Variants in TLK2 observed in about 807,000 individuals in gnomAD.
TLK2 encodes serine/threonine-protein kinase tousled-like 2.
Under a neutral mutation model 117.3 loss-of-function variants are expected in TLK2, and 6 were observed. The ratio of observed to expected loss-of-function variants is 0.05; its 90% CI spans 0.03 to 0.10. The LOEUF (loss-of-function observed/expected upper bound fraction) is 0.10, where lower values mean the gene tolerates loss of function less well. Ranked by LOEUF, TLK2 falls within the 10% of genes least tolerant of loss-of-function variation. The pLI is 1.00. For synonymous variants in TLK2, 257 were observed against 316.7 expected (o/e 0.81, Z 2.00); for missense variants, 299 against 901.2 (o/e 0.33, Z 8.56).
rs2082792678 is a variant in TLK2 at position 62,600,440 on chromosome 17, T to C, written c.1551-211T>C. 1.9e-5 allele frequency: 9 copies of C among 467,162 alleles called. No individual in the cohort carries two copies. In the South Asian group the frequency reaches 3.0e-4, roughly 15 times the overall value. The allele number at this position is 467,162 out of a possible 1,614,324, so 28.9% of individuals were successfully genotyped here. On this transcript the variant is annotated intron_variant, in intron 17 of 21. Coordinates refer to ENST00000346027, the MANE Select transcript of TLK2 (RefSeq NM_006852.6). ...AACTTGAGCACAACAGATTCCAACA[T>C]TGAGGGTGTGGAAACTCTTCAAGAG...
upstream of TLK2, among the ~76,000 whole-genome samples, chr17:62,476,959 G>A (rs550039366): frequency 2.6e-5 from 4 of 151,712 alleles, no homozygotes; most frequent in African/African-American, 7.3e-5. Flanking sequence ...GCCTGGTAGC[G>A]CGTGCCTGTA....
At chr17:62,573,729 T>TATTTCA (rs1161994959) in intron 12 of TLK2, among the ~76,000 whole-genome samples, 4 of 152,206 alleles carry the variant, frequency 2.6e-5, no homozygotes, top group Non-Finnish European at 5.9e-5. Context: ...ACCTGGCTGT[T>TATTTCA]ATTTCAGACT....
rs187132347 is a variant in TLK2 at position 62,604,085 on chromosome 17, G to T, written c.1859+1905G>T. Reference sequence around the variant, plus strand: ...AATGGTGTGATCTCAACTCACTGCAGCCTCCGCCTCCCGAGTTCAAGTGAT... The same window carrying T: ...AATGGTGTGATCTCAACTCACTGCATCCTCCGCCTCCCGAGTTCAAGTGAT... On this transcript the variant is annotated intron_variant, in intron 19 of 21. Coordinates refer to ENST00000346027, the MANE Select transcript of TLK2 (RefSeq NM_006852.6). Among the ~76,000 whole-genome samples, 870 of 151,680 alleles carry T rather than the reference G, an allele frequency of 5.7e-3. 8 individuals are homozygous for T. Among genetic ancestry groups the T allele is most frequent in the African/African-American group, 0.02 (829 of 41,368 alleles).
intron 11 of TLK2, 114 bp downstream of exon 11, chr17:62,565,251 G>T: frequency 1.9e-5 from 25 of 1,286,058 alleles, no homozygotes; most frequent in East Asian, 8.2e-5. Context: ...TTTTCAGTTA[G>T]TTTTTTAGTC....
At chr17:62,487,538 AAGTC>A (rs1359382593) in intron 2 of TLK2, among the ~76,000 whole-genome samples, 1 of 151,088 alleles carries the variant, frequency 6.6e-6, no homozygotes, top group South Asian at 2.1e-4. Context: ...AAAAAAAAGT[AAGTC>A]AGCAAGGAGA....
In TLK2 at chr17:62,551,017, C is replaced by G. The variant is rs2078418338; in HGVS notation, c.532-1285C>G. ...TATTTTTAGTAAGATAGGGTTTTGC[C>G]ATGTTGGCCAGGCTGGTCTCGAGCT... is the stretch of plus-strand genomic sequence containing the variant. On this transcript the variant is annotated intron_variant, in intron 7 of 21. Coordinates refer to ENST00000346027, the MANE Select transcript of TLK2 (RefSeq NM_006852.6). 3 of 152,158 alleles carry G rather than the reference C, an allele frequency of 2.0e-5. No individual in the cohort carries two copies. The South Asian group carries it at 6.2e-4, about 32-fold the overall frequency. 9.4% of individuals were successfully genotyped at this position (152,158 alleles called of 1,614,324 possible). A position where few individuals can be genotyped will look rare whatever the true frequency, so the allele number is the denominator to read the frequency against.
At chr17:62,562,329 C>A (rs1228637697) in intron 10 of TLK2, among the ~76,000 whole-genome samples, 1 of 152,110 alleles carries the variant, frequency 6.6e-6, no homozygotes, top group African/African-American at 2.4e-5. Context: ...CCATTTCACT[C>A]CAGCCTAGGT....
chr17:62,596,540 G>A (rs2082493359), intron 16 of TLK2, 45 bp from the exon 17 acceptor site: 1 of 1,420,726 alleles, frequency 7.0e-7, no homozygotes, highest in African/African-American at 1.4e-5. Context: ...AGTTCTAAAA[G>A]GCAGGCCAAT....
At chr17:62,580,558 T>G (rs1424497793) in intron 15 of TLK2, among the ~76,000 whole-genome samples, 1 of 152,224 alleles carries the variant, frequency 6.6e-6, no homozygotes, top group Non-Finnish European at 1.5e-5. Context: ...CAAACCTGTT[T>G]CCAATAAGAA....
At position 62,607,012 on chromosome 17, in the gene TLK2, C is replaced by CAT. The variant is rs10695214; in HGVS notation, c.1971+771_1971+772insAT. 5.8e-3 allele frequency among the ~76,000 whole-genome samples: 715 copies of CAT among 123,556 alleles called. 6 individuals carry two copies. Among genetic ancestry groups the CAT allele is most frequent in the African/African-American group, 0.019 (650 of 33,758 alleles). 81.1% of individuals were successfully genotyped at this position (123,556 alleles called of 152,430 possible). ...CCTTCCTCTTTAGCTTCTCCTTGGTCTTTTTTTTTTTTTTTTTTCTATCTC... is the reference window on the plus strand; with the variant it reads ...CCTTCCTCTTTAGCTTCTCCTTGGTCATTTTTTTTTTTTTTTTTTTCTATCTC... On this transcript the variant is annotated intron_variant, in intron 20 of 21. Transcript: ENST00000346027.
intron 16 of TLK2, among the ~76,000 whole-genome samples, chr17:62,592,873 C>T (rs2082180901): frequency 6.6e-6 from 1 of 152,218 alleles, no homozygotes; most frequent in African/African-American, 2.4e-5. Flanking sequence ...GAGACAGTGA[C>T]AGATCATCAG....
At chr17:62,502,656 A>G (rs2074304854) in intron 2 of TLK2, among the ~76,000 whole-genome samples, 1 of 152,226 alleles carries the variant, frequency 6.6e-6, no homozygotes, top group Non-Finnish European at 1.5e-5. Flanking sequence ...TAAAAAAGCT[A>G]CTAGAATTTA....
chr17:62,557,678 C>G lies in TLK2; in HGVS notation c.721-2338C>G, dbSNP rs189110054. On this transcript the variant is annotated intron_variant, in intron 9 of 21. Coordinates refer to ENST00000346027, the MANE Select transcript of TLK2 (RefSeq NM_006852.6). ...GGTGTAAAAAGCTCCTTGCCAAATT[C>G]CAGTATCTGTCAGGGTTTTGTACAG... 3.0e-3 allele frequency among the ~76,000 whole-genome samples: 457 copies of G among 152,232 alleles called. 3 individuals carry two copies. Among genetic ancestry groups the G allele is most frequent in the African/African-American group, 0.011 (437 of 41,548 alleles).
chr17:62,577,791 A>G (rs2080918938), intron 13 of TLK2, among the ~76,000 whole-genome samples: 1 of 152,216 alleles, frequency 6.6e-6, no homozygotes, highest in South Asian at 2.1e-4. Context: ...CACACCTGTA[A>G]TGCCAGCACT....
chr17:62,511,660 G>A (rs998287078), intron 2 of TLK2, among the ~76,000 whole-genome samples: 4 of 152,284 alleles, frequency 2.6e-5, no homozygotes, highest in East Asian at 1.9e-4. Context: ...GTGAGCCACC[G>A]CACCCAGCCT....
At position 62,546,344 on chromosome 17, in the gene TLK2, GTTTT is replaced by G. The variant is rs61100480; in HGVS notation, c.532-5945_532-5942del. Among the ~76,000 whole-genome samples the G allele has an allele frequency of 6.9e-4, 16 of 23,352 alleles. 2 individuals carry two copies. In the Admixed American group the frequency reaches 0.011, roughly 15 times the overall value. 15.3% of individuals were successfully genotyped at this position (23,352 alleles called of 152,430 possible). On this transcript the variant is annotated intron_variant, in intron 7 of 21. Transcript: ENST00000346027. ...GTTCCCTATTTTGAGTTTGTTGATT[GTTTT>G]TTTTTTTTTTTTACATAATGAAAAG...
intron 6 of TLK2, among the ~76,000 whole-genome samples, chr17:62,526,511 T>C (rs1429000043): frequency 6.6e-6 from 1 of 152,208 alleles, no homozygotes; most frequent in Non-Finnish European, 1.5e-5. Context: ...CATCTGCCTT[T>C]GAGATGAATG....
intron 2 of TLK2, among the ~76,000 whole-genome samples, chr17:62,491,627 C>T (rs1369252141): frequency 6.6e-6 from 1 of 152,160 alleles, no homozygotes; most frequent in African/African-American, 2.4e-5. Context: ...TGCTCTGTCC[C>T]CAGGCTCCTC....
intron 7 of TLK2, among the ~76,000 whole-genome samples, chr17:62,544,191 A>G (rs983943074): frequency 1.3e-5 from 2 of 152,216 alleles, no homozygotes; most frequent in Non-Finnish European, 2.9e-5. Flanking sequence ...TATCTTTGTT[A>G]TATTAGCCCA....
Sources: gnomAD v4.1 joint callset for allele counts (sites outside exome capture counted in the v4.1 genomes callset) on GRCh38, gnomAD v4.1.1 for gene constraint, MANE v1.5 for transcripts, NCBI Gene and HGNC (gene_info 2026-07-23, HGNC 2026-07-21) for gene names.